Variants in THOC2 observed in about 807,000 individuals in gnomAD.
The protein encoded by THOC2 is THO complex subunit 2, also known as THO complex 2.
THOC2 carries 10 observed loss-of-function variants against 128.4 expected under a neutral mutation model. The ratio of observed to expected loss-of-function variants is 0.08; its 90% CI spans 0.05 to 0.13. The LOEUF is 0.13. Ranked by LOEUF, THOC2 falls within the 10% of genes least tolerant of loss-of-function variation. The pLI is 1.00. For missense variants in THOC2, 535 were observed against 1,155.7 expected (o/e 0.46, Z 7.79); for synonymous variants, 393 against 396.9 (o/e 0.99, Z 0.12).
At chrX:123,605,305 G>A (rs1046761963) in intron 38 of THOC2, among the ~76,000 whole-genome samples, 3 of 111,757 alleles carry the variant, frequency 2.7e-5, no homozygotes, top group African/African-American at 6.5e-5. Context: ...TTGCTCTACC[G>A]TAAGTGGAAG....
rs372162823 is a variant in THOC2 at position 123,624,965 on chromosome X, A to C, written c.3058-296T>G. Reference sequence around the variant, plus strand: ...CATAATAAGTTGTTTTTTTTTTATTACATAATAGTTTCTTAACCACTTAGC... The same window carrying C: ...CATAATAAGTTGTTTTTTTTTTATTCCATAATAGTTTCTTAACCACTTAGC... On this transcript the variant is annotated intron_variant, in intron 25 of 38. Coordinates refer to ENST00000245838, the MANE Select transcript of THOC2 (RefSeq NM_001081550.2). Among the ~76,000 whole-genome samples, 11 of 111,405 alleles carry C rather than the reference A, an allele frequency of 9.9e-5. No homozygotes were observed. In the East Asian group the frequency reaches 1.1e-3, roughly 11 times the overall value.
At chrX:123,686,403 T>C (rs1177916551) in intron 8 of THOC2, 145 bp downstream of exon 8, 3 of 421,368 alleles carry the variant, frequency 7.1e-6, no homozygotes, top group Non-Finnish European at 1.2e-5. Context: ...CTTATCACAT[T>C]GCATTGTTAG....
chrX:123,619,422 T>C lies in THOC2; in HGVS notation c.4290A>G (p.Glu1430=). The change falls in exon 33 of 39, where the codon GAA becomes GAG. Residue 1430 remains glutamate (E), a synonymous_variant. Transcript: ENST00000245838. ...AAACCTTTGCTGAAGATTCCTTGAGTTCGATGAGACTGTCCTGTAGAAAAT... is the reference window on the plus strand; with the variant it reads ...AAACCTTTGCTGAAGATTCCTTGAGCTCGATGAGACTGTCCTGTAGAAAAT... ...HSSTVKDSLI[E]LKESSAKLYI... is the part of the protein sequence containing the mutation. 1 of 1,198,800 alleles carries C rather than the reference T, an allele frequency of 8.3e-7. No homozygotes were observed. The highest frequency in any genetic ancestry group is 1.1e-6 in the Non-Finnish European group (1 of 886,548).
At chrX:123,689,833 A>C (rs1258143695) in intron 7 of THOC2, among the ~76,000 whole-genome samples, 2 of 111,817 alleles carry the variant, frequency 1.8e-5, no homozygotes, top group Non-Finnish European at 3.8e-5. Flanking sequence ...CCCTAATGGC[A>C]GCTGTAGTAG....
At chrX:123,614,925 G>A (rs73630724) in intron 33 of THOC2, among the ~76,000 whole-genome samples, 88 of 111,380 alleles carry the variant, frequency 7.9e-4, no homozygotes, top group African/African-American at 2.5e-3. Context: ...TTCTTTCTCT[G>A]CCAAAAGGGC....
At chrX:123,660,951 T>C (rs2048799386) in intron 12 of THOC2, among the ~76,000 whole-genome samples, 1 of 111,311 alleles carries the variant, frequency 9.0e-6, no homozygotes, top group Non-Finnish European at 1.9e-5. Flanking sequence ...AAATGTGGTG[T>C]ATATATATAT....
chrX:123,651,735 C>A (rs1227850955), intron 12 of THOC2, among the ~76,000 whole-genome samples: 1 of 106,837 alleles, frequency 9.4e-6, no homozygotes, highest in Admixed American at 1.0e-4. Context: ...GCCCCCCCCC[C>A]AAGACTAAAC....
At chrX:123,694,308 G>A (rs766117579) in intron 7 of THOC2, among the ~76,000 whole-genome samples, 175 of 111,424 alleles carry the variant, frequency 1.6e-3, no homozygotes, top group African/African-American at 5.4e-3. Flanking sequence ...AAAGTGTGGC[G>A]CCTACCCTAG....
intron 22 of THOC2, among the ~76,000 whole-genome samples, chrX:123,631,157 T>C (rs1338483578): frequency 8.9e-6 from 1 of 111,752 alleles, no homozygotes; most frequent in Non-Finnish European, 1.9e-5. Flanking sequence ...TCAGAATTCC[T>C]AAGATGAAGA....
chrX:123,645,684 G>C (rs749004586), intron 12 of THOC2, among the ~76,000 whole-genome samples: 6 of 112,771 alleles, frequency 5.3e-5, no homozygotes, highest in Non-Finnish European at 9.4e-5. Flanking sequence ...AGCAAGGGCT[G>C]GGCGCGGTGC....
chrX:123,603,754 A>G (rs2046368611), intron 38 of THOC2: 7 of 322,330 alleles, frequency 2.2e-5, no homozygotes, highest in Non-Finnish European at 3.9e-5. Context: ...ATAGCCTGGA[A>G]TGACAAATCA....
chrX:123,624,504 T>A, intron 26 of THOC2, 37 bp downstream of exon 26: 1 of 1,180,339 alleles, frequency 8.5e-7, no homozygotes. Flanking sequence ...GGTCATTATA[T>A]ACATGGGTAA....
intron 8 of THOC2, among the ~76,000 whole-genome samples, chrX:123,681,063 A>C (rs1280002707): frequency 1.8e-5 from 2 of 111,321 alleles, no homozygotes; most frequent in African/African-American, 6.5e-5. Context: ...TTACTCTGAT[A>C]GCTCGTAATT....
At chrX:123,712,966 A>T in intron 1 of THOC2, 58 bp from the exon 2 acceptor site, 1 of 835,735 alleles carries the variant, frequency 1.2e-6, no homozygotes. Context: ...GATGATTCTT[A>T]TAAAGCAAAT....
At chrX:123,631,633 C>T (rs1476152991) in intron 22 of THOC2, 55 bp downstream of exon 22, 27 of 1,151,530 alleles carry the variant, frequency 2.3e-5, no homozygotes, top group Non-Finnish European at 2.9e-5. Flanking sequence ...CAGATAAAAC[C>T]GTTAAGAAAT....
In THOC2 at chrX:123,623,864, T is replaced by C. The variant is rs141055699; in HGVS notation, c.3426A>G (p.Gln1142=). The C allele has an allele frequency of 1.3e-4, 159 of 1,209,843 alleles. No homozygotes were observed. The African/African-American group carries it at 2.4e-3, about 18-fold the overall frequency. Reference sequence around the variant, plus strand: ...TTTTGTGTACTCTTCTTTCCAAAGCTTGACCCAGATTCAAAACTTTTGGGT... The same window carrying C: ...TTTTGTGTACTCTTCTTTCCAAAGCCTGACCCAGATTCAAAACTTTTGGGT... ...PWYPKVLNLG[Q]ALERRVHKIC... The change falls in exon 28 of 39, where the codon CAA becomes CAG. Residue 1142 remains glutamine, a synonymous_variant. Coordinates refer to ENST00000245838, the MANE Select transcript of THOC2 (RefSeq NM_001081550.2).
intron 1 of THOC2, among the ~76,000 whole-genome samples, chrX:123,730,359 G>T (rs754485424): frequency 3.3e-4 from 36 of 108,643 alleles, no homozygotes; most frequent in Non-Finnish European, 5.2e-4. Flanking sequence ...TGTACTTTTA[G>T]TAGAGATGGG....
chrX:123,668,993 T>G (rs913718643), intron 9 of THOC2, among the ~76,000 whole-genome samples: 13 of 111,668 alleles, frequency 1.2e-4, no homozygotes, highest in African/African-American at 4.2e-4. Context: ...AAGAAAACTT[T>G]AGGCAACAAA....
chrX:123,665,598 A>G (rs373617552), intron 12 of THOC2, 44 bp downstream of exon 12: 1 of 927,763 alleles, frequency 1.1e-6, no homozygotes, highest in Non-Finnish European at 1.5e-6. Context: ...TACTCAGAAT[A>G]TTTTCATTTC....
Sources: gnomAD v4.1 joint callset for allele counts (sites outside exome capture counted in the v4.1 genomes callset) on GRCh38, gnomAD v4.1.1 for gene constraint, MANE v1.5 for transcripts, NCBI Gene and HGNC (gene_info 2026-07-23, HGNC 2026-07-21) for gene names.